Variants in MRPL1 observed in about 807,000 individuals in gnomAD.
The protein encoded by MRPL1 is mitochondrial ribosomal protein L1.
Under a neutral mutation model 38.0 loss-of-function variants are expected in MRPL1, and 28 were observed. The ratio of observed to expected loss-of-function variants is 0.74; its 90% CI spans 0.55 to 1.01. MRPL1 has a LOEUF of 1.01. Ranked by LOEUF, MRPL1 falls within the 50% of genes least tolerant of loss-of-function variation. The pLI is 0.00. For synonymous variants in MRPL1, 123 were observed against 126.7 expected (o/e 0.97, Z 0.20); for missense variants, 358 against 389.8 (o/e 0.92, Z 0.69).
chr4:77,872,193 C>A (rs1050981204), intron 2 of MRPL1, among the ~76,000 whole-genome samples: 4 of 152,116 alleles, frequency 2.6e-5, no homozygotes, highest in Admixed American at 2.0e-4. Context: ...GGGTTTGAAT[C>A]CATGGAGTTT....
At chr4:77,937,097 T>A (rs1173573925) in intron 7 of MRPL1, among the ~76,000 whole-genome samples, 1 of 151,768 alleles carries the variant, frequency 6.6e-6, no homozygotes, top group Non-Finnish European at 1.5e-5. Flanking sequence ...TGCACTCCAG[T>A]CTGGGTGACA....
At chr4:77,879,407 A>G (rs1193302574) in intron 2 of MRPL1, among the ~76,000 whole-genome samples, 1 of 152,188 alleles carries the variant, frequency 6.6e-6, no homozygotes, top group Non-Finnish European at 1.5e-5. Context: ...ATGTTGTGAA[A>G]CAAGGTCCAA....
At chr4:77,881,211 A>G (rs925708032) in intron 2 of MRPL1, among the ~76,000 whole-genome samples, 2 of 152,148 alleles carry the variant, frequency 1.3e-5, no homozygotes, top group Non-Finnish European at 2.9e-5. Context: ...AAGGGCTTGA[A>G]TGGAAAGGAG....
At chr4:77,917,867 C>T (rs1178200578) in intron 7 of MRPL1, among the ~76,000 whole-genome samples, 4 of 151,918 alleles carry the variant, frequency 2.6e-5, no homozygotes, top group African/African-American at 9.7e-5. Context: ...ACCAGCCCGG[C>T]CAACAAGGTG....
chr4:77,863,019 TCA>T, intron 1 of MRPL1, 140 bp downstream of exon 1: 11 of 1,002,782 alleles, frequency 1.1e-5, no homozygotes, highest in Non-Finnish European at 1.7e-5. Context: ...AGAGGGTGGG[TCA>T]TTACTACTTA....
chr4:77,912,579 T>C (rs146727072), intron 7 of MRPL1, among the ~76,000 whole-genome samples: 11 of 152,304 alleles, frequency 7.2e-5, no homozygotes, highest in Admixed American at 3.3e-4. Flanking sequence ...GGTGACTATA[T>C]ACCTTGTTTA....
In MRPL1 at chr4:77,885,335, C is replaced by G; in HGVS notation, c.482C>G (p.Thr161Arg). The change falls in exon 4 of 9, where the codon ACA (threonine) becomes AGA (arginine). Residue 161 changes from threonine (T) to arginine (R), a missense_variant. Transcript: ENST00000315567. The stretch of plus-strand genomic sequence containing the variant: ...GAAATCAATAAAGTTGCTGTATTTA[C>G]AGAGGTGAGTAACTTCCGTCAACTA... The part of the protein sequence containing the change: ...ASEINKVAVF[T>R]ENASEVKIAE... 6.2e-7 allele frequency: 1 copy of G among 1,608,748 alleles called. No individual in the cohort carries two copies. The highest frequency in any genetic ancestry group is 8.5e-7 in the Non-Finnish European group (1 of 1,175,092).
chr4:77,916,480 T>C (rs1206360242), intron 7 of MRPL1, among the ~76,000 whole-genome samples: 2 of 152,236 alleles, frequency 1.3e-5, no homozygotes, highest in Non-Finnish European at 2.9e-5. Flanking sequence ...GTGGAATTTC[T>C]ATTTACAGTT....
chr4:77,874,922 C>T (rs934333165), intron 2 of MRPL1, among the ~76,000 whole-genome samples: 1 of 151,724 alleles, frequency 6.6e-6, no homozygotes, highest in Non-Finnish European at 1.5e-5. Flanking sequence ...GCTGGGATTA[C>T]AGGCACACGC....
At chr4:77,949,772 T>C in intron 7 of MRPL1, 25 bp from the exon 8 acceptor site, 1 of 1,408,184 alleles carries the variant, frequency 7.1e-7, no homozygotes, top group Non-Finnish European at 1.0e-6. Flanking sequence ...TCATCATTAA[T>C]GTTATGTATA....
At chr4:77,934,124 A>C (rs1367850963) in intron 7 of MRPL1, among the ~76,000 whole-genome samples, 1 of 152,254 alleles carries the variant, frequency 6.6e-6, no homozygotes, top group Non-Finnish European at 1.5e-5. Flanking sequence ...CTGTAACTTA[A>C]GTGAAAGAAG....
chr4:77,862,900 G>T (rs968249293), intron 1 of MRPL1, 21 bp downstream of exon 1: 15 of 1,614,030 alleles, frequency 9.3e-6, no homozygotes, highest in Non-Finnish European at 1.3e-5. Flanking sequence ...GGGTTGTCTT[G>T]CAGGGGAAAT....
At chr4:77,945,651 T>G (rs1307719729) in intron 7 of MRPL1, among the ~76,000 whole-genome samples, 1 of 151,516 alleles carries the variant, frequency 6.6e-6, no homozygotes, top group Non-Finnish European at 1.5e-5. Flanking sequence ...AAATAAAGAG[T>G]ATAAAGAGAG....
intron 7 of MRPL1, among the ~76,000 whole-genome samples, chr4:77,934,548 C>T (rs530986282): frequency 9.9e-5 from 15 of 152,026 alleles, no homozygotes; most frequent in African/African-American, 1.2e-4. Context: ...CAAGTGTTGA[C>T]GAGGATATAG....
chr4:77,877,600 T>TG (rs1735428470), intron 2 of MRPL1, among the ~76,000 whole-genome samples: 1 of 151,152 alleles, frequency 6.6e-6, no homozygotes, highest in Non-Finnish European at 1.5e-5. Context: ...TTTTTTTTTT[T>TG]TTTTTTTTTA....
intron 7 of MRPL1, 144 bp downstream of exon 7, chr4:77,909,516 T>C (rs923398329): frequency 1.8e-5 from 10 of 564,152 alleles, no homozygotes; most frequent in Non-Finnish European, 3.1e-5. Context: ...TACGCATAGA[T>C]ACTTTTTTTA....
chr4:77,902,140 T>C (rs1736049755), intron 6 of MRPL1, among the ~76,000 whole-genome samples: 1 of 152,216 alleles, frequency 6.6e-6, no homozygotes, highest in Non-Finnish European at 1.5e-5. Context: ...TTAAACTGAA[T>C]GATACTGAAA....
intron 1 of MRPL1, among the ~76,000 whole-genome samples, chr4:77,866,688 T>C (rs763701680): frequency 5.3e-5 from 8 of 152,158 alleles, no homozygotes; most frequent in Non-Finnish European, 1.0e-4. Context: ...GAACAGTTTC[T>C]TGGTGTTTGC....
intron 7 of MRPL1, among the ~76,000 whole-genome samples, chr4:77,936,558 G>A (rs1390634693): frequency 3.3e-5 from 5 of 152,168 alleles, no homozygotes; most frequent in East Asian, 1.9e-4. Flanking sequence ...TGTTTTTGTA[G>A]AGAAAGTTTT....
Sources: allele counts gnomAD v4.1 joint callset (sites outside exome capture counted in the v4.1 genomes callset), GRCh38; gene constraint gnomAD v4.1.1; transcripts MANE v1.5; gene names NCBI Gene and HGNC (gene_info 2026-07-23, HGNC 2026-07-21).